Variants in ARHGAP12 observed in about 807,000 individuals in gnomAD.
ARHGAP12 encodes the protein rho GTPase-activating protein 12.
A neutral mutation model predicts 108.6 loss-of-function variants in ARHGAP12; 64 were observed. That is an observed-to-expected ratio of 0.59 (90% CI 0.48 to 0.73). The LOEUF (loss-of-function observed/expected upper bound fraction) is 0.73. Among genes scored for constraint, ARHGAP12 ranks in the 30% least tolerant of loss-of-function variants. The pLI is 0.00. For synonymous variants in ARHGAP12, 312 were observed against 337.2 expected, an observed-to-expected ratio of 0.93 and a Z score of 0.82; for missense variants, 940 against 1,005.9, an observed-to-expected ratio of 0.93 and a Z score of 0.89.
chr10:31,888,345 G>A (rs557293776), intron 3 of ARHGAP12, among the ~76,000 whole-genome samples: 1 of 152,138 alleles, frequency 6.6e-6, no homozygotes, highest in Non-Finnish European at 1.5e-5. Context: ...GTCTAAACAT[G>A]TCCCAAGGCA....
chr10:31,911,581 T>TG (rs1350325422), intron 1 of ARHGAP12, among the ~76,000 whole-genome samples: 7 of 152,330 alleles, frequency 4.6e-5, no homozygotes, highest in Admixed American at 3.9e-4. Context: ...CTCAAAGTGC[T>TG]GGGGCTGCAG....
chr10:31,856,183 TA>T (rs891428459), intron 4 of ARHGAP12, among the ~76,000 whole-genome samples: 21 of 152,108 alleles, frequency 1.4e-4, no homozygotes, highest in Non-Finnish European at 2.5e-4. Context: ...AAATTTTTTT[TA>T]AAATAATCTA....
At chr10:31,906,042 G>A (rs1839121081) in intron 3 of ARHGAP12, among the ~76,000 whole-genome samples, 1 of 152,038 alleles carries the variant, frequency 6.6e-6, no homozygotes. Context: ...CAAAGATGAG[G>A]ACTAAAGGAC....
chr10:31,852,732 T>A, intron 5 of ARHGAP12, 135 bp from the exon 6 acceptor site: 21 of 65,774 alleles, frequency 3.2e-4, no homozygotes, highest in East Asian at 1.6e-3. Context: ...AAAAATTCTT[T>A]TTTTTTTTTT....
At chr10:31,897,961 AC>A (rs770376113) in intron 3 of ARHGAP12, among the ~76,000 whole-genome samples, 1 of 152,100 alleles carries the variant, frequency 6.6e-6, no homozygotes, top group Non-Finnish European at 1.5e-5. Context: ...TCCCATCTCT[AC>A]AAAAAATACA....
intron 3 of ARHGAP12, among the ~76,000 whole-genome samples, chr10:31,894,091 T>C (rs17582397): frequency 0.46 from 70,105 of 151,932 alleles, 16,456 homozygotes; most frequent in Admixed American, 0.51. Flanking sequence ...ATTGATGGGA[T>C]GTATCTCAAA....
chr10:31,832,196 C>A (rs1243034291), intron 9 of ARHGAP12, among the ~76,000 whole-genome samples: 3 of 152,238 alleles, frequency 2.0e-5, no homozygotes, highest in East Asian at 3.9e-4. Flanking sequence ...ACTATATAAT[C>A]TGAAAATTAT....
At chr10:31,881,469 C>A (rs992310059) in intron 3 of ARHGAP12, among the ~76,000 whole-genome samples, 58 of 152,256 alleles carry the variant, frequency 3.8e-4, no homozygotes, top group African/African-American at 1.4e-3. Context: ...CTGAAAATAT[C>A]TTTTGAGGGG....
At chr10:31,861,333 G>T in intron 4 of ARHGAP12, 62 bp downstream of exon 4, 1 of 1,525,536 alleles carries the variant, frequency 6.6e-7, no homozygotes, top group Non-Finnish European at 8.8e-7. Context: ...TACTTCTTTG[G>T]TTTCTGAATA....
intron 3 of ARHGAP12, among the ~76,000 whole-genome samples, chr10:31,868,106 G>A (rs1225194343): frequency 6.6e-6 from 1 of 152,038 alleles, no homozygotes; most frequent in Admixed American, 6.6e-5. Context: ...GCTGAGACAG[G>A]AGAATCACTT....
chr10:31,892,605 A>T (rs1267312252), intron 3 of ARHGAP12, among the ~76,000 whole-genome samples: 1 of 152,214 alleles, frequency 6.6e-6, no homozygotes, highest in Non-Finnish European at 1.5e-5. Context: ...TCATAAAGCA[A>T]GTCCTTAGAG....
Position 31,908,574 on chromosome 10 carries a change from T to C in ARHGAP12, c.282A>G (p.Ile94Met). 6.2e-7 allele frequency: 1 copy of C among 1,614,232 alleles called. No individual in the cohort carries two copies. The highest frequency in any genetic ancestry group is 8.5e-7 in the Non-Finnish European group (1 of 1,180,042). ...ATCTCTGAAGATGCAAACTCTGCAT[T>C]ATTTTCGTGGAGTTATTTGGCAGAC... ...VAGLPNNSTK[I>M]MQSLHLQRST... Residue 94 changes from isoleucine to methionine, a missense_variant, in exon 3 of 20, where the codon ATA becomes ATG. By Grantham distance (10) the Ile-to-Met change is conservative (BLOSUM62 1). Coordinates refer to ENST00000344936, the MANE Select transcript of ARHGAP12 (RefSeq NM_018287.7).
intron 8 of ARHGAP12, 74 bp from the exon 9 acceptor site, chr10:31,839,393 A>G (rs1371084036): frequency 4.1e-6 from 6 of 1,449,414 alleles, no homozygotes; most frequent in South Asian, 1.3e-5. Flanking sequence ...AAAAACAAAT[A>G]TAAGTTCATC....
chr10:31,922,888 G>C (rs981600809), intron 1 of ARHGAP12, among the ~76,000 whole-genome samples: 12 of 152,034 alleles, frequency 7.9e-5, no homozygotes, highest in Non-Finnish European at 1.5e-4. Flanking sequence ...AGTGTTTTAG[G>C]AAGTCGAGAC....
intron 3 of ARHGAP12, among the ~76,000 whole-genome samples, chr10:31,882,258 C>T (rs1353738676): frequency 3.3e-5 from 5 of 152,188 alleles, no homozygotes; most frequent in African/African-American, 1.2e-4. Flanking sequence ...CAGAGCCTAC[C>T]TAACCAAATT....
chr10:31,829,084 G>A (rs1373337010), intron 10 of ARHGAP12, among the ~76,000 whole-genome samples: 2 of 152,020 alleles, frequency 1.3e-5, no homozygotes, highest in African/African-American at 2.4e-5. Context: ...TCTGGGAGGC[G>A]GAGGTTGCAG....
intron 15 of ARHGAP12, among the ~76,000 whole-genome samples, chr10:31,811,620 A>C (rs1482585075): frequency 6.6e-6 from 1 of 151,350 alleles, no homozygotes; most frequent in African/African-American, 2.4e-5. Context: ...AGAGTACCTA[A>C]TTTGAATTAA....
At position 31,845,975 on chromosome 10, in the gene ARHGAP12, G is replaced by A. The variant is rs966361481; in HGVS notation, c.1171-2389C>T. ...AATTGTCTGTTTCTCCTTTCCTACC[G>A]TCCTGTGGGCTACTTGAGCAATTTT... is the stretch of plus-strand genomic sequence containing the variant. On this transcript the variant is annotated intron_variant, in intron 6 of 19. Transcript: ENST00000344936. Among the ~76,000 whole-genome samples, 6 of 152,010 alleles carry A rather than the reference G, an allele frequency of 3.9e-5. No homozygotes were observed. In the South Asian group the frequency reaches 1.3e-3, roughly 32 times the overall value.
At chr10:31,863,087 G>A (rs1837191671) in intron 3 of ARHGAP12, among the ~76,000 whole-genome samples, 1 of 152,088 alleles carries the variant, frequency 6.6e-6, no homozygotes, top group Admixed American at 6.6e-5. Flanking sequence ...TTTGTGAAAT[G>A]GTCACTGTTG....
Sources: allele counts gnomAD v4.1 joint callset (sites outside exome capture counted in the v4.1 genomes callset), GRCh38; gene constraint gnomAD v4.1.1; transcripts MANE v1.5; gene names NCBI Gene and HGNC (gene_info 2026-07-23, HGNC 2026-07-21).